Variants in SLC16A1 observed in about 807,000 individuals in gnomAD.
The protein encoded by SLC16A1 is solute carrier family 16 member 1.
Under a neutral mutation model 32.2 loss-of-function variants are expected in SLC16A1, and 11 were observed. That is an observed-to-expected ratio of 0.34 (90% CI 0.21 to 0.56). SLC16A1 has a LOEUF of 0.56. Among genes scored for constraint, SLC16A1 ranks in the 20% least tolerant of loss-of-function variants. SLC16A1 has a pLI of 0.87. For synonymous variants in SLC16A1, 231 were observed against 226.8 expected (o/e 1.02, Z -0.17); for missense variants, 435 against 615.0 (o/e 0.71, Z 3.10).
At chr1:112,915,484 C>T (rs1648470088) in intron 4 of SLC16A1, among the ~76,000 whole-genome samples, 1 of 152,118 alleles carries the variant, frequency 6.6e-6, no homozygotes, top group South Asian at 2.1e-4. Context: ...CCATGCAGTG[C>T]CTTGCAAGCC....
intron 1 of SLC16A1, among the ~76,000 whole-genome samples, chr1:112,941,410 T>C (rs186629663): frequency 5.3e-5 from 8 of 151,924 alleles, no homozygotes; most frequent in South Asian, 2.1e-4. Flanking sequence ...GCCTCCCAAG[T>C]AGCTGGGATT....
chr1:112,917,830 TC>T lies in SLC16A1; in HGVS notation c.575del (p.Gly192GlufsTer31). ...GGLLLNCCVA[G>X]ALMRPIGPKP... ...TGGGCCCGATTGGTCGCATGAGGGCTCCAGCAACACAGCAGTTTAGTAGCAA... is the reference window on the plus strand; with the variant it reads ...TGGGCCCGATTGGTCGCATGAGGGCTCAGCAACACAGCAGTTTAGTAGCAA... On this transcript the variant is annotated frameshift_variant, in exon 4 of 5. Transcript: ENST00000369626. LOFTEE classifies it high-confidence loss of function. This position sits in a 1 kb window ranked among gnomAD's most constrained non-coding sequence, Gnocchi z 4.1. 6.2e-7 allele frequency: 1 copy of T among 1,614,150 alleles called. No individual in the cohort carries two copies. The highest frequency in any genetic ancestry group is 8.5e-7 in the Non-Finnish European group (1 of 1,180,018).
intron 4 of SLC16A1, among the ~76,000 whole-genome samples, chr1:112,914,871 C>T (rs1648447630): frequency 6.6e-6 from 1 of 152,158 alleles, no homozygotes; most frequent in African/African-American, 2.4e-5. Context: ...ATTATTTTCT[C>T]ATAAAGGCTT....
At chr1:112,921,589 T>C (rs1648738419) in intron 3 of SLC16A1, among the ~76,000 whole-genome samples, 1 of 152,196 alleles carries the variant, frequency 6.6e-6, no homozygotes, top group African/African-American at 2.4e-5. Context: ...TCATCAACAG[T>C]TCATTATCTT....
intron 2 of SLC16A1, chr1:112,924,038 G>C: frequency 7.7e-7 from 1 of 1,296,256 alleles, no homozygotes; most frequent in Non-Finnish European, 1.1e-6. Context: ...AATGGGCAGA[G>C]ATCTACAGGA....
rs1478137272 is a variant in SLC16A1, at chr1:112,927,291, TAAAAAAAAAAGG to T, written c.217+1789_217+1800del. ...CTGATAAAATTTATACTTTCATGTT[TAAAAAAAAAAGG>T]AAAAACAAATAAACAAACCAAAAGT... On this transcript the variant is annotated intron_variant, in intron 2 of 4. Transcript: ENST00000369626. Among the ~76,000 whole-genome samples, 8 of 148,008 alleles carry T rather than the reference TAAAAAAAAAAGG, an allele frequency of 5.4e-5. No homozygotes were observed. In the East Asian group the frequency reaches 1.4e-3, roughly 25 times the overall value.
chr1:112,917,038 T>C lies in SLC16A1; in HGVS notation c.1228+140A>G. On this transcript the variant is annotated intron_variant, in intron 4 of 4. Coordinates refer to ENST00000369626, the MANE Select transcript of SLC16A1 (RefSeq NM_003051.4). This position sits in a 1 kb window ranked among gnomAD's most constrained non-coding sequence, Gnocchi z 4.1. ...TTGAGCAATTATGCTGTGCCAAGCATTGTCCCAGCATCAAGGGTACATAAA... is the reference window on the plus strand; with the variant it reads ...TTGAGCAATTATGCTGTGCCAAGCACTGTCCCAGCATCAAGGGTACATAAA... 4 of 1,076,972 alleles carry C rather than the reference T, an allele frequency of 3.7e-6. No homozygotes were observed. Among genetic ancestry groups the C allele is most frequent in the Non-Finnish European group, 5.5e-6 (4 of 724,014 alleles). The allele number at this position is 1,076,972 out of a possible 1,614,324, so 66.7% of individuals were successfully genotyped here.
chr1:112,921,905 T>G, intron 3 of SLC16A1, 85 bp downstream of exon 3: 1 of 1,475,358 alleles, frequency 6.8e-7, no homozygotes, highest in Middle Eastern at 1.7e-4. Flanking sequence ...AGAATTTCAC[T>G]CCAGAGATCT....
intron 2 of SLC16A1, among the ~76,000 whole-genome samples, chr1:112,923,046 G>T (rs1377319436): frequency 6.6e-6 from 1 of 151,852 alleles, no homozygotes; most frequent in Non-Finnish European, 1.5e-5. Flanking sequence ...GAAAGACAGG[G>T]TGGGCGTGGT....
At chr1:112,918,710 G>A (rs112908784) in intron 3 of SLC16A1, among the ~76,000 whole-genome samples, 1 of 152,258 alleles carries the variant, frequency 6.6e-6, no homozygotes, top group African/African-American at 2.4e-5. Flanking sequence ...GGCTAAAGCT[G>A]GAGTATCACT....
At chr1:112,921,694 C>G (rs11102564) in intron 3 of SLC16A1, among the ~76,000 whole-genome samples, 3 of 152,150 alleles carry the variant, frequency 2.0e-5, no homozygotes, top group African/African-American at 4.8e-5. Context: ...TTGCCACTCT[C>G]GCACCAAGTT....
intron 3 of SLC16A1, among the ~76,000 whole-genome samples, chr1:112,920,175 T>C (rs1648671072): frequency 6.6e-6 from 1 of 152,266 alleles, no homozygotes; most frequent in Non-Finnish European, 1.5e-5. Context: ...TTCATCCATT[T>C]GGAATTTTTA....
At position 112,917,903 on chromosome 1, in the gene SLC16A1, A is replaced by G; in HGVS notation, c.503T>C (p.Phe168Ser). 6.2e-7 allele frequency: 1 copy of G among 1,607,596 alleles called. No individual in the cohort carries two copies. Among genetic ancestry groups the G allele is most frequent in the East Asian group, 2.2e-5 (1 of 44,840 alleles). Reference protein sequence around the residue: ...LCTLAPLNQVFFGIFGWRGSF... With the variant: ...LCTLAPLNQVSFGIFGWRGSF... ...TCCTCTCCATCCAAAGATACCGAAG[A>G]AAACCTGATTGAGGGGGGCCAGAGT... The change falls in exon 4 of 5, where the codon TTC becomes TCC. Residue 168 changes from phenylalanine (F) to serine (S), a missense_variant. Phe to Ser is a radical substitution (Grantham distance 155). Coordinates refer to ENST00000369626, the MANE Select transcript of SLC16A1 (RefSeq NM_003051.4). The surrounding 1 kb of genome is among the most constrained non-coding windows in gnomAD (Gnocchi z 4.1).
At chr1:112,952,991 C>CA (rs1000673915) in intron 1 of SLC16A1, among the ~76,000 whole-genome samples, 4 of 152,096 alleles carry the variant, frequency 2.6e-5, no homozygotes, top group African/African-American at 4.8e-5. Flanking sequence ...CCAAATCCTC[C>CA]ACCAAATCCT....
At chr1:112,916,898 C>T (rs976133793) in intron 4 of SLC16A1, among the ~76,000 whole-genome samples, 1 of 152,050 alleles carries the variant, frequency 6.6e-6, no homozygotes. Flanking sequence ...CACTGCACTC[C>T]AGCCTGGGCA....
chr1:112,941,097 TC>T (rs1649491087), intron 1 of SLC16A1, among the ~76,000 whole-genome samples: 1 of 152,140 alleles, frequency 6.6e-6, no homozygotes, highest in Non-Finnish European at 1.5e-5. Context: ...TATGCTTACT[TC>T]CTGGGTGATG....
At chr1:112,940,831 T>C (rs1649482866) in intron 1 of SLC16A1, among the ~76,000 whole-genome samples, 1 of 152,230 alleles carries the variant, frequency 6.6e-6, no homozygotes, top group Non-Finnish European at 1.5e-5. Flanking sequence ...GCAAAAATTC[T>C]ATTATAGAAC....
At chr1:112,955,219 T>C (rs2101657638) in intron 1 of SLC16A1, 1 of 151,820 alleles carries the variant, frequency 6.6e-6, no homozygotes, top group Admixed American at 6.6e-5. Context: ...CCATCAAATA[T>C]GTCATGACAA....
chr1:112,916,132 A>C (rs1221590457), intron 4 of SLC16A1, among the ~76,000 whole-genome samples: 1 of 151,822 alleles, frequency 6.6e-6, no homozygotes, highest in African/African-American at 2.4e-5. Context: ...CTGTGAGCTT[A>C]CATGGTAGCT....
Sources: allele counts gnomAD v4.1 joint callset (sites outside exome capture counted in the v4.1 genomes callset), GRCh38; gene constraint gnomAD v4.1.1; non-coding constraint Gnocchi (gnomAD v3.1); transcripts MANE v1.5; gene names NCBI Gene and HGNC (gene_info 2026-07-23, HGNC 2026-07-21).